Variants in SAMM50 observed in about 807,000 individuals in gnomAD.
SAMM50 encodes sorting and assembly machinery component 50 homolog.
In SAMM50, 47 loss-of-function variants were observed where a neutral mutation model predicts 66.9. That is an observed-to-expected ratio of 0.70 (90% CI 0.56 to 0.90). The LOEUF is 0.90. Among genes scored for constraint, SAMM50 ranks in the 40% least tolerant of loss-of-function variants. The pLI is 0.00. For synonymous variants in SAMM50, 191 were observed against 214.1 expected, an observed-to-expected ratio of 0.89 and a Z score of 0.94; for missense variants, 535 against 595.3, an observed-to-expected ratio of 0.90 and a Z score of 1.05.
chr22:43,994,223 C>T (rs986727012), intron 14 of SAMM50, among the ~76,000 whole-genome samples: 1 of 152,230 alleles, frequency 6.6e-6, no homozygotes, highest in African/African-American at 2.4e-5. Context: ...CAGGTGTGCG[C>T]TGTCGGCGGG....
Position 43,976,739 on chromosome 22 carries a change from A to G in SAMM50, c.778-11A>G. 1 of 1,605,106 alleles carries G rather than the reference A, an allele frequency of 6.2e-7. No individual in the cohort carries two copies. The highest frequency in any genetic ancestry group is 1.1e-5 in the South Asian group (1 of 90,408). On this transcript the variant is annotated splice_polypyrimidine_tract_variant and intron_variant, in intron 8 of 14. Transcript: ENST00000350028. ...TTAAAGTGAAAATATCCCCATTCAAATTTCTTTCAGCACGCCATGGTCATC... is the reference window on the plus strand; with the variant it reads ...TTAAAGTGAAAATATCCCCATTCAAGTTTCTTTCAGCACGCCATGGTCATC...
intron 1 of SAMM50, among the ~76,000 whole-genome samples, chr22:43,962,119 A>G (rs902114085): frequency 2.0e-5 from 3 of 152,234 alleles, no homozygotes; most frequent in Admixed American, 1.3e-4. Flanking sequence ...TATCCGACAG[A>G]ACATCATAGC....
intron 12 of SAMM50, among the ~76,000 whole-genome samples, chr22:43,985,116 C>T (rs1240483816): frequency 6.6e-6 from 1 of 151,832 alleles, no homozygotes; most frequent in Non-Finnish European, 1.5e-5. Flanking sequence ...GCAAAAAGTA[C>T]AGTGTTCCCG....
chr22:43,963,934 G>A (rs952861359), intron 2 of SAMM50, among the ~76,000 whole-genome samples: 1 of 148,096 alleles, frequency 6.8e-6, no homozygotes, highest in African/African-American at 2.7e-5. Context: ...TTGAGATGAA[G>A]TCTCACTCTG....
chr22:43,981,367 A>G, intron 10 of SAMM50, 24 bp from the exon 11 acceptor site: 1 of 1,597,784 alleles, frequency 6.3e-7, no homozygotes, highest in African/African-American at 1.3e-5. Flanking sequence ...GGGAGAAAAC[A>G]ACCATTTGTT....
At chr22:43,996,110 C>T in intron 14 of SAMM50, 4 of 654,230 alleles carry the variant, frequency 6.1e-6, no homozygotes, top group Non-Finnish European at 1.1e-5. Context: ...GTCTCTCCTT[C>T]TTTCCCTTTT....
chr22:43,974,185 TGCACATTC>T (rs1396459287), intron 7 of SAMM50, among the ~76,000 whole-genome samples: 1 of 152,106 alleles, frequency 6.6e-6, no homozygotes, highest in Non-Finnish European at 1.5e-5. Flanking sequence ...TTGTTAGAAA[TGCACATTC>T]GCGGGCTCCA....
intron 6 of SAMM50, 49 bp downstream of exon 6, chr22:43,973,050 A>G: frequency 6.4e-7 from 1 of 1,568,332 alleles, no homozygotes; most frequent in Non-Finnish European, 8.6e-7. Flanking sequence ...TAGAAAAGTT[A>G]AAATAGGTGG....
At chr22:43,994,058 G>C (rs2050339718) in intron 14 of SAMM50, among the ~76,000 whole-genome samples, 1 of 152,204 alleles carries the variant, frequency 6.6e-6, no homozygotes, top group South Asian at 2.1e-4. Flanking sequence ...AGGAAGACAA[G>C]AAAGTGGATC....
intron 12 of SAMM50, chr22:43,986,567 T>C (rs1192910903): frequency 1.3e-5 from 2 of 152,074 alleles, no homozygotes; most frequent in Non-Finnish European, 2.9e-5. Context: ...TTTTTTTTTT[T>C]TGAGACGGAG....
chr22:43,964,507 T>A lies in SAMM50; in HGVS notation c.188T>A (p.Ile63Asn). Reference protein sequence around the residue: ...DGLGRTKDDIIICEIGDVFKA... With the variant: ...DGLGRTKDDINICEIGDVFKA... The stretch of plus-strand genomic sequence containing the variant: ...CTTGGAAGGACTAAAGATGATATCA[T>A]CATTTGTGAAATTGGAGATGTTTTC... Residue 63 changes from isoleucine (I) to asparagine (N), a missense_variant, in exon 3 of 15, where the codon ATC (isoleucine) becomes AAC (asparagine). By Grantham distance (149) the Ile-to-Asn change is moderately radical. Coordinates refer to ENST00000350028, the MANE Select transcript of SAMM50 (RefSeq NM_015380.5). 6.2e-7 allele frequency: 1 copy of A among 1,612,976 alleles called. No individual in the cohort carries two copies. Among genetic ancestry groups the A allele is most frequent in the Non-Finnish European group, 8.5e-7 (1 of 1,178,924 alleles).
intron 14 of SAMM50, among the ~76,000 whole-genome samples, chr22:43,991,095 G>A (rs2050322405): frequency 6.6e-6 from 1 of 151,698 alleles, no homozygotes; most frequent in Admixed American, 6.6e-5. Context: ...TCCTGCCTCA[G>A]CCTCCTGAGT....
chr22:43,979,037 A>G (rs1569031523), intron 10 of SAMM50, among the ~76,000 whole-genome samples: 4 of 152,172 alleles, frequency 2.6e-5, no homozygotes. Context: ...TCCCTTCTGC[A>G]GCACTGGATG....
chr22:43,975,558 G>A (rs1196345497), intron 7 of SAMM50: 1 of 153,780 alleles, frequency 6.5e-6, no homozygotes, highest in East Asian at 1.9e-4. Context: ...ACCCGGCTCA[G>A]GCCTCTGCTG....
At chr22:43,990,505 A>T in intron 14 of SAMM50, 99 bp downstream of exon 14, 2 of 1,190,112 alleles carry the variant, frequency 1.7e-6, no homozygotes, top group South Asian at 2.8e-5. Flanking sequence ...TTTAAGCTTG[A>T]AGATTTTAAG....
intron 11 of SAMM50, 93 bp downstream of exon 11, chr22:43,981,554 A>T: frequency 1.2e-6 from 1 of 858,082 alleles, no homozygotes; most frequent in Non-Finnish European, 1.9e-6. Flanking sequence ...AAGTTTATTT[A>T]GGAGAGCATA....
At chr22:43,995,092 G>A (rs761734210) in intron 14 of SAMM50, among the ~76,000 whole-genome samples, 6 of 152,178 alleles carry the variant, frequency 3.9e-5, no homozygotes, top group South Asian at 2.1e-4. Flanking sequence ...GTTTTGATGT[G>A]GATTCTGGTG....
chr22:43,973,149 G>T, intron 6 of SAMM50, 87 bp from the exon 7 acceptor site: 1 of 1,316,762 alleles, frequency 7.6e-7, no homozygotes, highest in East Asian at 2.4e-5. Flanking sequence ...TGAGCCCTAC[G>T]GGCGTAGTGT....
chr22:43,978,046 GCA>G (rs763947506), intron 10 of SAMM50, 88 bp downstream of exon 10: 29 of 862,906 alleles, frequency 3.4e-5, no homozygotes, highest in Non-Finnish European at 5.3e-5. Flanking sequence ...AATATCTAAA[GCA>G]CAGAGTGGAA....
Sources: gnomAD v4.1 joint callset for allele counts (sites outside exome capture counted in the v4.1 genomes callset) on GRCh38, gnomAD v4.1.1 for gene constraint, MANE v1.5 for transcripts, NCBI Gene and HGNC (gene_info 2026-07-23, HGNC 2026-07-21) for gene names.